The following KYAT1 variants were observed in gnomAD, a reference collection of about 807,000 sequenced individuals.
KYAT1 encodes kynurenine aminotransferase 1.
Under a neutral mutation model 52.4 loss-of-function variants are expected in KYAT1, and 47 were observed. The observed-to-expected ratio is 0.90, with a 90% CI of 0.71 to 1.14. KYAT1 has a LOEUF of 1.14. Ranked by LOEUF, KYAT1 falls within the 50% of genes most tolerant of loss-of-function variation. The probability of loss-of-function intolerance (pLI) is 0.00; values close to 1 mark genes in which losing one functional copy is unlikely to be tolerated. For missense variants in KYAT1, 480 were observed against 557.9 expected, an observed-to-expected ratio of 0.86 and a Z score of 1.41; for synonymous variants, 212 against 209.6, an observed-to-expected ratio of 1.01 and a Z score of -0.10.
At chr9:128,840,327 C>T (rs542086433) in intron 3 of KYAT1, among the ~76,000 whole-genome samples, 2 of 152,236 alleles carry the variant, frequency 1.3e-5, no homozygotes, top group Non-Finnish European at 2.9e-5. Context: ...GGCACCACCT[C>T]GGCCCACTGC....
rs773824719 is a variant in KYAT1 at position 128,845,395 on chromosome 9, T to C, written c.11A>G (p.Gln4Arg). 1 of 1,613,864 alleles carries C rather than the reference T, an allele frequency of 6.2e-7. No individual in the cohort carries two copies. The highest frequency in any genetic ancestry group is 2.2e-5 in the East Asian group (1 of 44,876). The change falls in exon 2 of 13, where the codon CAG becomes CGG. Residue 4 changes from glutamine to arginine, a missense_variant. Coordinates refer to ENST00000302586, the MANE Select transcript of KYAT1 (RefSeq NM_004059.5). MAK[Q>R]LQARRLDGID... ...CCCGTCTAGCCTTCGGGCCTGCAGC[T>C]GTTTGGCCATGGCGAGCTGGAGACG...
Position 128,833,099 on chromosome 9 carries a change from A to C in KYAT1, c.*485T>G, listed in dbSNP as rs889523072. Reference sequence around the variant, plus strand: ...AGCCATCAGCATGAGTGTGAAGCAGAGAGAAGCCGTCAATAAGGATCTTAA... The same window carrying C: ...AGCCATCAGCATGAGTGTGAAGCAGCGAGAAGCCGTCAATAAGGATCTTAA... On this transcript the variant is annotated 3_prime_UTR_variant, in exon 13 of 13. Coordinates refer to ENST00000302586, the MANE Select transcript of KYAT1 (RefSeq NM_004059.5). 2 of 167,474 alleles carry C rather than the reference A, an allele frequency of 1.2e-5. No homozygotes were observed. Among genetic ancestry groups the C allele is most frequent in the African/African-American group, 4.8e-5 (2 of 41,750 alleles). 10.4% of individuals were successfully genotyped at this position (167,474 alleles called of 1,614,324 possible).
intron 1 of KYAT1, among the ~76,000 whole-genome samples, chr9:128,877,129 C>T (rs1838161107): frequency 6.6e-6 from 1 of 152,104 alleles, no homozygotes; most frequent in East Asian, 1.9e-4. Context: ...AACTTCTGGC[C>T]TCTGGTGATC....
intron 2 of KYAT1, among the ~76,000 whole-genome samples, chr9:128,843,853 G>A (rs977234235): frequency 2.0e-5 from 3 of 152,276 alleles, no homozygotes; most frequent in Admixed American, 1.3e-4. Flanking sequence ...CCTTGGATTC[G>A]TCAACACCAC....
At chr9:128,856,628 G>T (rs950248432) in intron 1 of KYAT1, among the ~76,000 whole-genome samples, 8 of 152,186 alleles carry the variant, frequency 5.3e-5, no homozygotes, top group Non-Finnish European at 1.0e-4. Flanking sequence ...TGTGTTGTCT[G>T]GAATCAAGGT....
At chr9:128,861,583 C>T (rs1463467933) in intron 1 of KYAT1, among the ~76,000 whole-genome samples, 3 of 152,166 alleles carry the variant, frequency 2.0e-5, no homozygotes, top group Non-Finnish European at 4.4e-5. Flanking sequence ...CCCTCTCGTT[C>T]CTTAGATTTG....
Position 128,833,740 on chromosome 9 carries a change from C to T in KYAT1, c.1209G>A (p.Lys403=), listed in dbSNP as rs376336212. ...FDHYIRFCFV[K]DEATLQAMDE... is the part of the protein sequence containing the mutation. Reference sequence around the variant, plus strand: ...TTCCTCCCCCAGCCCTGCCCTTTACCTTCACAAAACAGAAGCGGATATAGT... The same window carrying T: ...TTCCTCCCCCAGCCCTGCCCTTTACTTTCACAAAACAGAAGCGGATATAGT... Residue 403 remains lysine, a splice_region_variant and synonymous_variant, in exon 12 of 13, where the codon AAG becomes AAA. Transcript: ENST00000302586. 5.0e-6 allele frequency: 8 copies of T among 1,614,180 alleles called. No homozygotes were observed. The highest frequency in any genetic ancestry group is 6.8e-6 in the Non-Finnish European group (8 of 1,179,984).
rs143794843 is a variant in KYAT1 at position 128,862,043 on chromosome 9, T to A, written c.-6-16632A>T. ...ACTGAGTTAAAAACCCACAGTTGCC[T>A]GGTAGGTCAATTCTCTCTCTGACAC... On this transcript the variant is annotated intron_variant, in intron 1 of 12. Coordinates refer to ENST00000302586, the MANE Select transcript of KYAT1 (RefSeq NM_004059.5). Among the ~76,000 whole-genome samples, 694 of 152,328 alleles carry A rather than the reference T, an allele frequency of 4.6e-3. 3 individuals carry two copies. Among genetic ancestry groups the A allele is most frequent in the African/African-American group, 0.015 (619 of 41,570 alleles).
At chr9:128,854,664 T>C (rs1028463035) in intron 1 of KYAT1, among the ~76,000 whole-genome samples, 2 of 152,258 alleles carry the variant, frequency 1.3e-5, no homozygotes, top group African/African-American at 4.8e-5. Flanking sequence ...AGTCTCACTA[T>C]GTCTGCAGGA....
At chr9:128,863,715 C>T (rs1373439655) in intron 1 of KYAT1, among the ~76,000 whole-genome samples, 2 of 152,104 alleles carry the variant, frequency 1.3e-5, no homozygotes, top group African/African-American at 4.8e-5. Flanking sequence ...AACTTGGGGG[C>T]TTGTGGGTGT....
At position 128,837,747 on chromosome 9, in the gene KYAT1, C is replaced by T. The variant is rs572629163; in HGVS notation, c.505G>A (p.Gly169Ser). Residue 169 changes from glycine to serine, a missense_variant, in exon 6 of 13, where the codon GGC becomes AGC. By Grantham distance (56) the Gly-to-Ser change is moderately conservative (BLOSUM62 0). Coordinates refer to ENST00000302586, the MANE Select transcript of KYAT1 (RefSeq NM_004059.5). Reference sequence around the variant, plus strand: ...GCTTTGGTGCGTGATGTGAATTTGCCGGCCAGCTCCATGGGGTCCAGCTGC... The same window carrying T: ...GCTTTGGTGCGTGATGTGAATTTGCTGGCCAGCTCCATGGGGTCCAGCTGC... Reference protein sequence around the residue: ...NWQLDPMELAGKFTSRTKALV... With the variant: ...NWQLDPMELASKFTSRTKALV... 39 of 1,614,088 alleles carry T rather than the reference C, an allele frequency of 2.4e-5. No individual in the cohort carries two copies. Among genetic ancestry groups the T allele is most frequent in the East Asian group, 1.3e-4 (6 of 44,882 alleles).
chr9:128,873,392 G>A (rs924277379), intron 1 of KYAT1, among the ~76,000 whole-genome samples: 2 of 150,644 alleles, frequency 1.3e-5, no homozygotes, highest in Non-Finnish European at 3.0e-5. Flanking sequence ...TAAGAACTTA[G>A]TACACTGTAA....
At chr9:128,849,482 C>T (rs1327391668) in intron 1 of KYAT1, among the ~76,000 whole-genome samples, 1 of 151,162 alleles carries the variant, frequency 6.6e-6, no homozygotes, top group Non-Finnish European at 1.5e-5. Context: ...GCTGAGACAA[C>T]TAAATATCCA....
At chr9:128,860,753 G>A (rs917315991) in intron 1 of KYAT1, among the ~76,000 whole-genome samples, 2 of 152,092 alleles carry the variant, frequency 1.3e-5, no homozygotes, top group East Asian at 3.9e-4. Context: ...AGTAGAGATG[G>A]GGTTTCACTA....
intron 1 of KYAT1, among the ~76,000 whole-genome samples, chr9:128,849,807 A>G (rs949326588): frequency 2.4e-5 from 1 of 40,854 alleles, no homozygotes; most frequent in African/African-American, 4.1e-5. Context: ...AAAAAAAAAA[A>G]AAAGAAAAGA....
intron 6 of KYAT1, 35 bp from the exon 7 acceptor site, chr9:128,836,957 T>A: frequency 6.2e-7 from 1 of 1,600,106 alleles, no homozygotes; most frequent in Non-Finnish European, 8.5e-7. Context: ...GACCTGCAGC[T>A]GGGACCGTCC....
At chr9:128,843,623 C>T (rs1310532172) in intron 2 of KYAT1, among the ~76,000 whole-genome samples, 1 of 152,120 alleles carries the variant, frequency 6.6e-6, no homozygotes. Flanking sequence ...AGGTGATCCA[C>T]CGCCCCCCTT....
chr9:128,847,448 C>T (rs1035579837), intron 1 of KYAT1: 1 of 1,535,610 alleles, frequency 6.5e-7, no homozygotes, highest in African/African-American at 1.4e-5. Context: ...GGTGCAAGAA[C>T]CAAGTGAGTG....
At position 128,835,101 on chromosome 9, in the gene KYAT1, C is replaced by T. The variant is rs930747463; in HGVS notation, c.1122+222G>A. On this transcript the variant is annotated intron_variant, in intron 11 of 12. Coordinates refer to ENST00000302586, the MANE Select transcript of KYAT1 (RefSeq NM_004059.5). ...GCAGTGAGCCAAGATCGCGCCACTG[C>T]ACTCCAGCCTGGGCAAGAGTGAGAC... 6 of 548,488 alleles carry T rather than the reference C, an allele frequency of 1.1e-5. No homozygotes were observed. In the African/African-American group the frequency reaches 1.1e-4, roughly 10 times the overall value. 34.0% of individuals were successfully genotyped at this position (548,488 alleles called of 1,614,324 possible). A position where few individuals can be genotyped will look rare whatever the true frequency, so the allele number is the denominator to read the frequency against.
Sources: gnomAD v4.1 joint callset for allele counts (sites outside exome capture counted in the v4.1 genomes callset) on GRCh38, gnomAD v4.1.1 for gene constraint, MANE v1.5 for transcripts, NCBI Gene and HGNC (gene_info 2026-07-23, HGNC 2026-07-21) for gene names.